The following RRP1 variants were observed in gnomAD, a reference collection of about 807,000 sequenced individuals.
RRP1 encodes the protein ribosomal RNA processing 1.
A neutral mutation model predicts 54.6 loss-of-function variants in RRP1; 37 were observed. The observed-to-expected ratio is 0.68, with a 90% CI of 0.52 to 0.89. The LOEUF is 0.89. Among genes scored for constraint, RRP1 ranks in the 40% least tolerant of loss-of-function variants. RRP1 has a pLI of 0.00. For synonymous variants in RRP1, 262 were observed against 244.3 expected (o/e 1.07, Z -0.67); for missense variants, 639 against 612.5 (o/e 1.04, Z -0.46).
rs2085075585 is a variant in RRP1, at chr21:43,800,524, A to G, written c.899A>G (p.Tyr300Cys). Reference sequence around the variant, plus strand: ...GTCTCTCTTTTGAAACAGTTTGACTACGAGGCAGTTGCTAACAGACTGTTT... The same window carrying G: ...GTCTCTCTTTTGAAACAGTTTGACTGCGAGGCAGTTGCTAACAGACTGTTT... ...DSGGPVLQFDYEAVANRLFEM... is the reference protein window; with the variant it reads ...DSGGPVLQFDCEAVANRLFEM... Residue 300 changes from tyrosine to cysteine, a missense_variant, in exon 10 of 13, where the codon TAC (tyrosine) becomes TGC (cysteine). Tyr to Cys is a radical substitution (Grantham distance 194). Transcript: ENST00000497547. 10 of 1,614,228 alleles carry G rather than the reference A, an allele frequency of 6.2e-6. No individual in the cohort carries two copies. Among genetic ancestry groups the G allele is most frequent in the Non-Finnish European group, 8.5e-6 (10 of 1,180,016 alleles).
intron 1 of RRP1, chr21:43,790,465 A>G (rs1237354947): frequency 6.5e-6 from 1 of 154,096 alleles, no homozygotes; most frequent in African/African-American, 2.4e-5. Flanking sequence ...CATCTGCTTT[A>G]TGAAGCTGTT....
At chr21:43,802,246 G>C in intron 11 of RRP1, 28 bp from the exon 12 acceptor site, 2 of 1,553,716 alleles carry the variant, frequency 1.3e-6, no homozygotes, top group Non-Finnish European at 1.8e-6. Context: ...GCCCCCGAGA[G>C]CCCCCTGACT....
rs895424072 is a variant in RRP1 at position 43,797,264 on chromosome 21, T to C, written c.423-158T>C. 11 of 1,266,434 alleles carry C rather than the reference T, an allele frequency of 8.7e-6. No homozygotes were observed. The African/African-American group carries it at 1.5e-4, about 17-fold the overall frequency. 78.4% of individuals were successfully genotyped at this position (1,266,434 alleles called of 1,614,324 possible). On this transcript the variant is annotated intron_variant, in intron 5 of 12. Transcript: ENST00000497547. ...GCTGGAGGAGACCTAGGATCGTTGA[T>C]ATCATCTGCGTGGACTTTAAGGCTG...
intron 4 of RRP1, 33 bp from the exon 5 acceptor site, chr21:43,795,156 T>G (rs1477911870): frequency 1.2e-6 from 2 of 1,606,456 alleles, no homozygotes; most frequent in Non-Finnish European, 8.5e-7. Flanking sequence ...AGGGCTGGGC[T>G]TCTGCTAATG....
intron 5 of RRP1, 93 bp downstream of exon 5, chr21:43,795,343 G>C (rs2085008276): frequency 1.2e-5 from 15 of 1,214,594 alleles, no homozygotes; most frequent in Non-Finnish European, 1.8e-5. Flanking sequence ...GGAGATGTCA[G>C]CCTTTATATT....
intron 11 of RRP1, among the ~76,000 whole-genome samples, chr21:43,801,970 C>T (rs190059251): frequency 4.0e-5 from 6 of 151,536 alleles, no homozygotes; most frequent in East Asian, 2.0e-4. Context: ...ATGATGCAGA[C>T]GTTCCAAAAC....
At position 43,797,408 on chromosome 21, in the gene RRP1, T is replaced by C. The variant is rs762769460; in HGVS notation, c.423-14T>C. 6.2e-7 allele frequency: 1 copy of C among 1,603,418 alleles called. No homozygotes were observed. The highest frequency in any genetic ancestry group is 1.1e-5 in the South Asian group (1 of 90,874). On this transcript the variant is annotated splice_polypyrimidine_tract_variant and intron_variant, in intron 5 of 12. Coordinates refer to ENST00000497547, the MANE Select transcript of RRP1 (RefSeq NM_003683.6). ...ATCGAGGCTGCCTGTCATGTTTGCT[T>C]TTTCTTTCCTCAGACAGATCGAGGA...
intron 3 of RRP1, 183 bp from the exon 4 acceptor site, chr21:43,793,136 G>C (rs1354960181): frequency 2.1e-5 from 13 of 606,320 alleles, no homozygotes; most frequent in Non-Finnish European, 3.8e-5. Context: ...CACTTGAGGA[G>C]CCTCTAAAAA....
chr21:43,792,828 G>T, intron 3 of RRP1, 99 bp downstream of exon 3: 1 of 1,302,092 alleles, frequency 7.7e-7, no homozygotes, highest in Non-Finnish European at 1.1e-6. Context: ...CAAATCCAGA[G>T]TAAGGAATGC....
At chr21:43,791,853 C>T (rs957885188) in intron 2 of RRP1, among the ~76,000 whole-genome samples, 17 of 152,252 alleles carry the variant, frequency 1.1e-4, no homozygotes, top group South Asian at 4.1e-4. Flanking sequence ...GGTCGTATAG[C>T]CTTGACGCTT....
Position 43,803,842 on chromosome 21 carries a change from C to T in RRP1, c.*68C>T, listed in dbSNP as rs534202684. Reference sequence around the variant, plus strand: ...GCTTGCACCGCGGGACGAGGCTGACCGGGCTGTTCTGTAGACTCAGGACCG... The same window carrying T: ...GCTTGCACCGCGGGACGAGGCTGACTGGGCTGTTCTGTAGACTCAGGACCG... On this transcript the variant is annotated 3_prime_UTR_variant, in exon 13 of 13. Coordinates refer to ENST00000497547, the MANE Select transcript of RRP1 (RefSeq NM_003683.6). 640 of 1,473,396 alleles carry T rather than the reference C, an allele frequency of 4.3e-4. No homozygotes were observed. The highest frequency in any genetic ancestry group is 5.2e-4 in the Non-Finnish European group (576 of 1,105,120). The allele number at this position is 1,473,396 out of a possible 1,614,324, so 91.3% of individuals were successfully genotyped here.
intron 8 of RRP1, among the ~76,000 whole-genome samples, chr21:43,798,466 G>T (rs567268893): frequency 6.6e-6 from 1 of 152,130 alleles, no homozygotes; most frequent in South Asian, 2.1e-4. Context: ...CAGCCTCCTG[G>T]CCTCTCCCAG....
At position 43,805,163 on chromosome 21, in the gene RRP1, C is replaced by G. The variant is rs1194042102; in HGVS notation, c.*1389C>G. The G allele has an allele frequency of 6.6e-6, 1 of 152,140 alleles. No homozygotes were observed. Among genetic ancestry groups the G allele is most frequent in the Non-Finnish European group, 1.5e-5 (1 of 68,208 alleles). 9.4% of individuals were successfully genotyped at this position (152,140 alleles called of 1,614,324 possible). ...TGGTGGCACATGCCTGTAATCCCAG[C>G]TACTCGGGAGGCTGAGGCAGGAGAA... is the stretch of plus-strand genomic sequence containing the variant. On this transcript the variant is annotated 3_prime_UTR_variant, in exon 13 of 13. Coordinates refer to ENST00000497547, the MANE Select transcript of RRP1 (RefSeq NM_003683.6).
At chr21:43,802,211 G>T in intron 11 of RRP1, 63 bp from the exon 12 acceptor site, 4 of 1,202,414 alleles carry the variant, frequency 3.3e-6, no homozygotes, top group Non-Finnish European at 4.9e-6. Context: ...GCTGGAAGCA[G>T]CGAGCCTCAA....
rs1569014311 is a variant in RRP1 at position 43,795,174 on chromosome 21, CCTT to C, written c.361-12_361-10del. On this transcript the variant is annotated splice_polypyrimidine_tract_variant and intron_variant, in intron 4 of 12. Coordinates refer to ENST00000497547, the MANE Select transcript of RRP1 (RefSeq NM_003683.6). ...GCTGGGCTTCTGCTAATGCCAACCT[CCTT>C]CTGTGTCAAAGCTCATGCGGATGGT... is the stretch of plus-strand genomic sequence containing the variant. 2.5e-6 allele frequency: 4 copies of C among 1,612,192 alleles called. No homozygotes were observed. Among genetic ancestry groups the C allele is most frequent in the East Asian group, 2.2e-5 (1 of 44,872 alleles).
rs932994907 is a variant in RRP1, at chr21:43,805,068, A to T, written c.*1294A>T. ...CGAGGTGGCCAGATCACCTGAGGTC[A>T]GGAGTTTGAGACCAGACTGACCAAC... On this transcript the variant is annotated 3_prime_UTR_variant, in exon 13 of 13. Transcript: ENST00000497547. The T allele has an allele frequency of 6.6e-6, 1 of 152,308 alleles. No homozygotes were observed. Among genetic ancestry groups the T allele is most frequent in the African/African-American group, 2.4e-5 (1 of 41,434 alleles). The allele number at this position is 152,308 out of a possible 1,614,324, so 9.4% of individuals were successfully genotyped here. A position where few individuals can be genotyped will look rare whatever the true frequency, so the allele number is the denominator to read the frequency against.
intron 9 of RRP1, 90 bp from the exon 10 acceptor site, chr21:43,800,427 A>C: frequency 8.3e-7 from 1 of 1,204,668 alleles, no homozygotes; most frequent in Non-Finnish European, 1.2e-6. Context: ...AAGTGGGACC[A>C]AGTGCTATCT....
rs554215846 is a variant in RRP1 at position 43,791,519 on chromosome 21, T to C, written c.216+87T>C. ...GTCAACCCAGTTTTTCTTTTTTTTT[T>C]AAGTCGGAGTTTCGCTCTTGTTGCC... On this transcript the variant is annotated intron_variant, in intron 2 of 12. Coordinates refer to ENST00000497547, the MANE Select transcript of RRP1 (RefSeq NM_003683.6). 10 of 1,244,278 alleles carry C rather than the reference T, an allele frequency of 8.0e-6. No homozygotes were observed. The South Asian group carries it at 1.0e-4, about 13-fold the overall frequency. The allele number at this position is 1,244,278 out of a possible 1,614,324, so 77.1% of individuals were successfully genotyped here.
intron 11 of RRP1, among the ~76,000 whole-genome samples, chr21:43,801,204 G>A (rs1569017913): frequency 6.6e-6 from 1 of 152,162 alleles, no homozygotes; most frequent in African/African-American, 2.4e-5. Flanking sequence ...TCTTGGCAGC[G>A]CGTGGCGGAT....
Sources: gnomAD v4.1 joint callset for allele counts (sites outside exome capture counted in the v4.1 genomes callset) on GRCh38, gnomAD v4.1.1 for gene constraint, MANE v1.5 for transcripts, NCBI Gene and HGNC (gene_info 2026-07-23, HGNC 2026-07-21) for gene names.